The following THSD4 variants were observed in gnomAD, a reference collection of about 807,000 sequenced individuals.
THSD4 encodes thrombospondin type 1 domain containing 4.
Under a neutral mutation model 119.0 loss-of-function variants are expected in THSD4, and 69 were observed. The observed-to-expected ratio is 0.58, with a 90% confidence interval of 0.48 to 0.71. THSD4 has a LOEUF of 0.71. Ranked by LOEUF, THSD4 falls within the 30% of genes least tolerant of loss-of-function variation. The pLI is 0.00. For synonymous variants in THSD4, 524 were observed against 540.4 expected (o/e 0.97, Z 0.42); for missense variants, 1,393 against 1,391.1 (o/e 1.00, Z -0.02).
At chr15:71,714,556 A>G (rs780653936) in intron 8 of THSD4, among the ~76,000 whole-genome samples, 35 of 152,312 alleles carry the variant, frequency 2.3e-4, no homozygotes, top group Non-Finnish European at 4.6e-4. Context: ...TTTTCTTAAG[A>G]TAATGCTGGC....
At chr15:71,495,669 T>C (rs1260624454) in intron 7 of THSD4, among the ~76,000 whole-genome samples, 1 of 152,192 alleles carries the variant, frequency 6.6e-6, no homozygotes, top group Non-Finnish European at 1.5e-5. Flanking sequence ...GTCAATATTA[T>C]TATCTTTGTA....
At chr15:71,513,414 A>G (rs576589258) in intron 7 of THSD4, among the ~76,000 whole-genome samples, 7 of 152,368 alleles carry the variant, frequency 4.6e-5, no homozygotes, top group African/African-American at 7.2e-5. Context: ...AAAGAACTCA[A>G]TAAGACTAAC....
At chr15:71,549,990 G>T (rs1381616485) in intron 7 of THSD4, among the ~76,000 whole-genome samples, 1 of 152,212 alleles carries the variant, frequency 6.6e-6, no homozygotes, top group African/African-American at 2.4e-5. Context: ...TCAGTGCATG[G>T]GTTGGAGGAC....
intron 6 of THSD4, among the ~76,000 whole-genome samples, chr15:71,362,212 G>A (rs1016642023): frequency 6.6e-6 from 1 of 152,224 alleles, no homozygotes; most frequent in African/African-American, 2.4e-5. Context: ...CTGGGAGGTG[G>A]AGGTTGCAGT....
At chr15:71,148,970 C>T (rs1404339612) in intron 2 of THSD4, among the ~76,000 whole-genome samples, 1 of 151,834 alleles carries the variant, frequency 6.6e-6, no homozygotes, top group Non-Finnish European at 1.5e-5. Context: ...GTGCTGAGAT[C>T]AATGGTAGCC....
intron 7 of THSD4, among the ~76,000 whole-genome samples, chr15:71,623,636 GA>G: frequency 6.6e-6 from 1 of 152,264 alleles, no homozygotes; most frequent in African/African-American, 2.4e-5. Context: ...TCTAATCAGA[GA>G]ATCGGCCGGA....
intron 7 of THSD4, among the ~76,000 whole-genome samples, chr15:71,435,102 A>G (rs1190840276): frequency 6.6e-6 from 1 of 152,262 alleles, no homozygotes; most frequent in African/African-American, 2.4e-5. Flanking sequence ...CCAAAAAGTC[A>G]AGAGTCAAAC....
At chr15:71,307,805 A>G (rs1394542867) in intron 6 of THSD4, among the ~76,000 whole-genome samples, 1 of 152,180 alleles carries the variant, frequency 6.6e-6, no homozygotes, top group South Asian at 2.1e-4. Context: ...ACTCACACTT[A>G]TGGTTTATTA....
At chr15:71,239,265 C>G (rs2044131922) in intron 4 of THSD4, among the ~76,000 whole-genome samples, 1 of 152,142 alleles carries the variant, frequency 6.6e-6, no homozygotes, top group Admixed American at 6.5e-5. Flanking sequence ...TCTTAGGGTG[C>G]AACATTTAAG....
At chr15:71,754,079 CTTT>C (rs5813663) in intron 14 of THSD4, among the ~76,000 whole-genome samples, 13 of 84,322 alleles carry the variant, frequency 1.5e-4, no homozygotes, top group Admixed American at 5.3e-4. Context: ...ACCTTTTATT[CTTT>C]TTTTTTTTTT....
intron 7 of THSD4, among the ~76,000 whole-genome samples, chr15:71,554,030 T>C (rs1384171955): frequency 6.6e-6 from 1 of 151,998 alleles, no homozygotes; most frequent in Middle Eastern, 3.2e-3. Flanking sequence ...TCTGAAGTCT[T>C]TCATCTTTTT....
chr15:71,385,562 T>A (rs2046284806), intron 6 of THSD4, among the ~76,000 whole-genome samples: 1 of 112,216 alleles, frequency 8.9e-6, no homozygotes, highest in African/African-American at 3.4e-5. Flanking sequence ...AACAGCTGGC[T>A]CACTTAGAGC....
chr15:71,158,098 C>T (rs73431416), intron 3 of THSD4, among the ~76,000 whole-genome samples: 1,905 of 151,540 alleles, frequency 0.013, 49 homozygotes, highest in African/African-American at 0.044. Flanking sequence ...TACAGTCCTA[C>T]CCACAGTACG....
intron 14 of THSD4, among the ~76,000 whole-genome samples, chr15:71,756,315 G>C (rs1411465815): frequency 6.6e-6 from 1 of 152,154 alleles, no homozygotes; most frequent in East Asian, 1.9e-4. Context: ...GAGACCTAAT[G>C]ATTGTCTAGA....
At chr15:71,243,223 T>C in intron 5 of THSD4, 127 bp downstream of exon 5, 1 of 937,924 alleles carries the variant, frequency 1.1e-6, no homozygotes, top group South Asian at 1.9e-5. Context: ...CTTTTAATCT[T>C]CCTCCTTTCT....
chr15:71,241,142 G>A (rs1242878148), intron 4 of THSD4, among the ~76,000 whole-genome samples: 1 of 152,122 alleles, frequency 6.6e-6, no homozygotes, highest in African/African-American at 2.4e-5. Flanking sequence ...TATTTTAATG[G>A]GGCCATCCTG....
chr15:71,480,506 G>A (rs910404405), intron 7 of THSD4, among the ~76,000 whole-genome samples: 6 of 152,072 alleles, frequency 3.9e-5, no homozygotes, highest in African/African-American at 1.2e-4. Context: ...ATATTGCTGC[G>A]TAACAACTAC....
intron 4 of THSD4, among the ~76,000 whole-genome samples, chr15:71,220,456 A>G (rs1188168636): frequency 6.6e-6 from 1 of 152,206 alleles, no homozygotes; most frequent in Non-Finnish European, 1.5e-5. Context: ...GCTTAGGACA[A>G]TTAAACTTCT....
chr15:71,284,165 C>T (rs558904396), intron 6 of THSD4, among the ~76,000 whole-genome samples: 25 of 152,242 alleles, frequency 1.6e-4, no homozygotes, highest in South Asian at 4.2e-4. Context: ...CTTATGAATG[C>T]GTGTGGGATT....
Sources: gnomAD v4.1 joint callset for allele counts (sites outside exome capture counted in the v4.1 genomes callset) on GRCh38, gnomAD v4.1.1 for gene constraint, MANE v1.5 for transcripts, NCBI Gene and HGNC (gene_info 2026-07-23, HGNC 2026-07-21) for gene names.